SPICE1: variants seen among roughly 807,000 people sequenced by gnomAD.
The protein encoded by SPICE1 is spindle and centriole associated protein 1.
Under a neutral mutation model 102.7 loss-of-function variants are expected in SPICE1, and 75 were observed. The ratio of observed to expected loss-of-function variants is 0.73; its 90% confidence interval spans 0.61 to 0.88. SPICE1 has a LOEUF of 0.88. Among genes scored for constraint, SPICE1 ranks in the 40% least tolerant of loss-of-function variants. The pLI is 0.00. For synonymous variants in SPICE1, 308 were observed against 350.3 expected, an observed-to-expected ratio of 0.88 and a Z score of 1.35; for missense variants, 979 against 1,020.1, an observed-to-expected ratio of 0.96 and a Z score of 0.55.
rs116438502 is a variant in SPICE1 at position 113,456,075 on chromosome 3, C to G, written c.1657+1061G>C. 3.3e-5 allele frequency among the ~76,000 whole-genome samples: 5 copies of G among 152,322 alleles called. No homozygotes were observed. The South Asian group carries it at 1.0e-3, about 32-fold the overall frequency. Reference sequence around the variant, plus strand: ...CAATAAACGGGCCAAGATACCAGCACGTCTGACTCTCAGCCTGGCACTGTC... The same window carrying G: ...CAATAAACGGGCCAAGATACCAGCAGGTCTGACTCTCAGCCTGGCACTGTC... On this transcript the variant is annotated intron_variant, in intron 13 of 17. Transcript: ENST00000295872.
intron 7 of SPICE1, among the ~76,000 whole-genome samples, chr3:113,472,213 C>T (rs577429213): frequency 7.2e-5 from 11 of 152,314 alleles, no homozygotes; most frequent in African/African-American, 2.2e-4. Context: ...AACTGCAAGG[C>T]GGCAGTGAGG....
intron 2 of SPICE1, among the ~76,000 whole-genome samples, chr3:113,505,155 C>T (rs567527559): frequency 7.2e-5 from 11 of 152,030 alleles, no homozygotes; most frequent in Admixed American, 1.3e-4. Context: ...ATCCACCTTT[C>T]GTTGTAGAGG....
chr3:113,468,423 A>G lies in SPICE1; in HGVS notation c.890-19T>C, dbSNP rs1467691604. The stretch of plus-strand genomic sequence containing the variant: ...CTTTTCACTGATAATGAGAGAAGTC[A>G]TTCTATTTTAAGACCAGGAAAAATT... On this transcript the variant is annotated intron_variant, in intron 9 of 17. Transcript: ENST00000295872. 6.2e-7 allele frequency: 1 copy of G among 1,606,076 alleles called. No individual in the cohort carries two copies. The highest frequency in any genetic ancestry group is 8.5e-7 in the Non-Finnish European group (1 of 1,174,442).
At chr3:113,455,215 C>T (rs899611833) in intron 13 of SPICE1, among the ~76,000 whole-genome samples, 1 of 152,016 alleles carries the variant, frequency 6.6e-6, no homozygotes, top group Non-Finnish European at 1.5e-5. Context: ...TTCGAATGAA[C>T]GCTTTAAAAT....
chr3:113,451,240 T>C (rs927642226), intron 14 of SPICE1, among the ~76,000 whole-genome samples: 2 of 152,192 alleles, frequency 1.3e-5, no homozygotes, highest in African/African-American at 2.4e-5. Flanking sequence ...GATTCAAGAA[T>C]AGTTGGTGAT....
intron 7 of SPICE1, among the ~76,000 whole-genome samples, chr3:113,471,278 C>A (rs933728891): frequency 6.6e-6 from 1 of 152,024 alleles, no homozygotes; most frequent in African/African-American, 2.4e-5. Flanking sequence ...CTTGGGTAGG[C>A]CCTAAATGCA....
At chr3:113,499,663 T>C in intron 3 of SPICE1, 81 bp from the exon 4 acceptor site, 3 of 1,341,800 alleles carry the variant, frequency 2.2e-6, no homozygotes, top group South Asian at 1.9e-5. Context: ...TCACCTACTC[T>C]AGTTCATCAC....
At chr3:113,514,858 C>G in intron 1 of SPICE1, 39 bp downstream of exon 1, 3 of 1,226,516 alleles carry the variant, frequency 2.4e-6, no homozygotes, top group Non-Finnish European at 3.1e-6. Flanking sequence ...GCTCTGGCGC[C>G]ACGCACAAAC....
At chr3:113,472,674 A>C (rs532692927) in intron 7 of SPICE1, among the ~76,000 whole-genome samples, 136 of 152,350 alleles carry the variant, frequency 8.9e-4, no homozygotes, top group African/African-American at 3.1e-3. Flanking sequence ...CCAGGCAAAC[A>C]GGGTCTGGAG....
At chr3:113,466,799 A>G (rs1936067980) in intron 10 of SPICE1, among the ~76,000 whole-genome samples, 1 of 152,208 alleles carries the variant, frequency 6.6e-6, no homozygotes, top group African/African-American at 2.4e-5. Context: ...TAATACCAAC[A>G]CCTTGGGAAG....
At chr3:113,497,417 T>C (rs1936915430) in intron 4 of SPICE1, among the ~76,000 whole-genome samples, 1 of 152,104 alleles carries the variant, frequency 6.6e-6, no homozygotes, top group African/African-American at 2.4e-5. Flanking sequence ...ACAGGATAAA[T>C]AAATTGTGGT....
intron 1 of SPICE1, among the ~76,000 whole-genome samples, chr3:113,513,666 C>T (rs76809491): frequency 6.6e-6 from 1 of 152,190 alleles, no homozygotes; most frequent in Non-Finnish European, 1.5e-5. Flanking sequence ...CTTAGTGAAT[C>T]AGATAACAGA....
At chr3:113,511,066 T>A (rs926202499) in intron 1 of SPICE1, among the ~76,000 whole-genome samples, 3 of 152,152 alleles carry the variant, frequency 2.0e-5, no homozygotes, top group African/African-American at 7.2e-5. Context: ...TGAGATACCA[T>A]CTCATGCCAG....
rs180917179 is a variant in SPICE1, at chr3:113,511,332, T to G, written c.-1+3565A>C. Among the ~76,000 whole-genome samples, 131 of 152,306 alleles carry G rather than the reference T, an allele frequency of 8.6e-4. 1 individual carries two copies. The highest frequency in any genetic ancestry group is 4.4e-3 in the Admixed American group (68 of 15,296). On this transcript the variant is annotated intron_variant, in intron 1 of 17. Transcript: ENST00000295872. Reference sequence around the variant, plus strand: ...ACATATATGTTCACTGCAGCACTATTCACAATAGCAAAGAGATGGAATCAA... The same window carrying G: ...ACATATATGTTCACTGCAGCACTATGCACAATAGCAAAGAGATGGAATCAA...
chr3:113,461,711 C>G (rs1015536895), intron 11 of SPICE1, among the ~76,000 whole-genome samples: 3 of 152,020 alleles, frequency 2.0e-5, no homozygotes, highest in Non-Finnish European at 4.4e-5. Flanking sequence ...GTAAGAAAAC[C>G]CAAAGATGGC....
At chr3:113,465,912 G>T in intron 10 of SPICE1, 128 bp from the exon 11 acceptor site, 1 of 812,922 alleles carries the variant, frequency 1.2e-6, no homozygotes, top group Non-Finnish European at 1.8e-6. Flanking sequence ...ATGATGAAGA[G>T]TTTTATTAAA....
intron 5 of SPICE1, among the ~76,000 whole-genome samples, chr3:113,493,830 T>A (rs749004676): frequency 6.6e-6 from 1 of 152,240 alleles, no homozygotes; most frequent in Non-Finnish European, 1.5e-5. Context: ...AACAATTTAC[T>A]TTTCCTTAGC....
At chr3:113,446,908 T>C (rs1438415306) in intron 16 of SPICE1, among the ~76,000 whole-genome samples, 1 of 152,194 alleles carries the variant, frequency 6.6e-6, no homozygotes, top group Non-Finnish European at 1.5e-5. Context: ...TCAACTTGAA[T>C]TGTATCTCCC....
chr3:113,475,544 T>G (rs1193498768), intron 7 of SPICE1, among the ~76,000 whole-genome samples: 1 of 152,020 alleles, frequency 6.6e-6, no homozygotes, highest in Non-Finnish European at 1.5e-5. Context: ...AATAAAATAC[T>G]GGCAAACCGA....
Sources: gnomAD v4.1 joint callset for allele counts (sites outside exome capture counted in the v4.1 genomes callset) on GRCh38, gnomAD v4.1.1 for gene constraint, MANE v1.5 for transcripts, NCBI Gene and HGNC (gene_info 2026-07-23, HGNC 2026-07-21) for gene names.